PAN3: variants seen among roughly 807,000 people sequenced by gnomAD.
The protein encoded by PAN3 is PAN2-PAN3 deadenylation complex subunit PAN3.
A neutral mutation model predicts 96.2 loss-of-function variants in PAN3; 19 were observed. That is an observed-to-expected ratio of 0.20 (90% confidence interval 0.14 to 0.29). PAN3 has a LOEUF of 0.29. Among genes scored for constraint, PAN3 ranks in the 10% least tolerant of loss-of-function variants. The probability of loss-of-function intolerance (pLI) is 1.00; values close to 1 mark genes in which losing one functional copy is unlikely to be tolerated. For missense variants in PAN3, 882 were observed against 1,108.1 expected (o/e 0.80, Z 2.90); for synonymous variants, 433 against 406.6 (o/e 1.06, Z -0.78).
chr13:28,257,364 ATTATT>A (rs1885227266), intron 7 of PAN3, among the ~76,000 whole-genome samples: 1 of 152,156 alleles, frequency 6.6e-6, no homozygotes, highest in African/African-American at 2.4e-5. Context: ...ATATTCAAAA[ATTATT>A]TTATTTACCC....
intron 6 of PAN3, among the ~76,000 whole-genome samples, chr13:28,221,677 C>A (rs539720542): frequency 1.3e-5 from 2 of 152,134 alleles, no homozygotes; most frequent in Non-Finnish European, 2.9e-5. Context: ...CCTTCCAACT[C>A]CCCTCCCACC....
chr13:28,221,626 C>G (rs867222756), intron 6 of PAN3, among the ~76,000 whole-genome samples: 1 of 152,034 alleles, frequency 6.6e-6, no homozygotes, highest in Non-Finnish European at 1.5e-5. Flanking sequence ...ATTTTGTCAG[C>G]GCCTCATTTC....
intron 5 of PAN3, among the ~76,000 whole-genome samples, chr13:28,205,162 TG>T (rs1318414302): frequency 6.6e-6 from 1 of 152,182 alleles, no homozygotes; most frequent in Non-Finnish European, 1.5e-5. Context: ...CACTGGGTTT[TG>T]GTATTACTTC....
chr13:28,273,121 ATTTTT>A (rs1194178967), intron 14 of PAN3, among the ~76,000 whole-genome samples: 2 of 152,080 alleles, frequency 1.3e-5, no homozygotes, highest in South Asian at 4.1e-4. Context: ...TTTCTAAGTA[ATTTTT>A]TTATTTAGTC....
chr13:28,292,300 TTTTA>T (rs1191672423), intron 18 of PAN3, 78 bp from the exon 19 acceptor site: 50 of 1,358,632 alleles, frequency 3.7e-5, no homozygotes, highest in East Asian at 1.3e-4. Flanking sequence ...AATTTAGATA[TTTTA>T]TTTATTTTTG....
chr13:28,140,270 G>A (rs1482135505), intron 1 of PAN3, among the ~76,000 whole-genome samples: 1 of 152,186 alleles, frequency 6.6e-6, no homozygotes, highest in Non-Finnish European at 1.5e-5. Flanking sequence ...ACAATTGAAT[G>A]TGAGCGTAAT....
chr13:28,226,171 A>G (rs1272717616), intron 6 of PAN3, among the ~76,000 whole-genome samples: 2 of 152,234 alleles, frequency 1.3e-5, no homozygotes, highest in Non-Finnish European at 1.5e-5. Flanking sequence ...TTCAAGGCAC[A>G]AAAACTCCAT....
At chr13:28,176,442 T>G in intron 2 of PAN3, 51 bp from the exon 3 acceptor site, 2 of 1,540,120 alleles carry the variant, frequency 1.3e-6, no homozygotes, top group Non-Finnish European at 1.8e-6. Context: ...GTTGGATACT[T>G]TTATTTCTGT....
intron 16 of PAN3, among the ~76,000 whole-genome samples, chr13:28,281,012 T>C (rs978935972): frequency 5.3e-5 from 8 of 152,250 alleles, no homozygotes; most frequent in Non-Finnish European, 2.9e-5. Context: ...TAATTTCTTA[T>C]GTCCTCTGGA....
chr13:28,277,673 T>C (rs1887172946), intron 15 of PAN3, among the ~76,000 whole-genome samples: 1 of 152,352 alleles, frequency 6.6e-6, no homozygotes, highest in Middle Eastern at 3.4e-3. Context: ...TAAAGCTTAC[T>C]TCTTCAATTA....
At chr13:28,181,340 C>G (rs147850270) in intron 4 of PAN3, among the ~76,000 whole-genome samples, 1 of 151,952 alleles carries the variant, frequency 6.6e-6, no homozygotes, top group East Asian at 1.9e-4. Context: ...GAGACCTGGT[C>G]TCTACTAAAA....
intron 6 of PAN3, chr13:28,239,704 T>C: frequency 7.9e-7 from 1 of 1,268,094 alleles, no homozygotes; most frequent in Non-Finnish European, 1.0e-6. Flanking sequence ...GGGGTCTGTT[T>C]GTTTAACTGA....
At chr13:28,166,602 C>T (rs1282111716) in intron 1 of PAN3, among the ~76,000 whole-genome samples, 1 of 152,204 alleles carries the variant, frequency 6.6e-6, no homozygotes, top group Non-Finnish European at 1.5e-5. Flanking sequence ...AGACATAACC[C>T]TGGTAAAAGC....
chr13:28,262,725 A>G (rs572944703), intron 9 of PAN3, among the ~76,000 whole-genome samples: 1 of 152,348 alleles, frequency 6.6e-6, no homozygotes, highest in African/African-American at 2.4e-5. Flanking sequence ...AACTGTAGAA[A>G]ATGGCTGGAT....
At chr13:28,144,356 A>G (rs867835566) in intron 1 of PAN3, among the ~76,000 whole-genome samples, 45 of 151,580 alleles carry the variant, frequency 3.0e-4, no homozygotes, top group Non-Finnish European at 5.6e-4. Context: ...CTGGGACTAC[A>G]GGCGCCCGCC....
rs746612895 is a variant in PAN3 at position 28,280,418 on chromosome 13, G to T, written c.2196G>T (p.Leu732Phe). Residue 732 changes from leucine (L) to phenylalanine (F), a missense_variant, in exon 16 of 19, where the codon TTG becomes TTT. Physicochemically the swap from Leu to Phe is conservative, Grantham distance 22. Around this residue, in one of 3 missense-constraint regions of PAN3, gnomAD observed 364 missense variants for 513.6 expected, o/e 0.71. Coordinates refer to ENST00000380958, the MANE Select transcript of PAN3 (RefSeq NM_175854.8). Reference sequence around the variant, plus strand: ...CCTCTTTTATCTTGGGTAGGTATTTGTTGACTGACCAAAACAGGATGCGAA... The same window carrying T: ...CCTCTTTTATCTTGGGTAGGTATTTTTTGACTGACCAAAACAGGATGCGAA... ...SSDLKNLILY[L>F]LTDQNRMRSV... 14 of 1,606,440 alleles carry T rather than the reference G, an allele frequency of 8.7e-6. No individual in the cohort carries two copies. In the South Asian group the frequency reaches 1.6e-4, roughly 18 times the overall value.
chr13:28,231,851 A>G (rs1593522964), intron 6 of PAN3, among the ~76,000 whole-genome samples: 2 of 152,196 alleles, frequency 1.3e-5, no homozygotes, highest in Admixed American at 1.3e-4. Flanking sequence ...GGAGTGAGCT[A>G]TGATCACACA....
chr13:28,169,876 A>G (rs1874082141), intron 1 of PAN3, among the ~76,000 whole-genome samples: 2 of 151,734 alleles, frequency 1.3e-5, no homozygotes, highest in Non-Finnish European at 2.9e-5. Context: ...GTGAAACCCC[A>G]TCTTTACTAA....
intron 16 of PAN3, among the ~76,000 whole-genome samples, chr13:28,281,030 G>C (rs935225644): frequency 2.0e-5 from 3 of 152,178 alleles, no homozygotes; most frequent in Non-Finnish European, 2.9e-5. Flanking sequence ...GGACAACACT[G>C]TTCTTTTCAT....
Sources: gnomAD v4.1 joint callset for allele counts (sites outside exome capture counted in the v4.1 genomes callset) on GRCh38, gnomAD v4.1.1 for gene constraint, gnomAD v4.1.1 regional missense constraint, MANE v1.5 for transcripts, NCBI Gene and HGNC (gene_info 2026-07-23, HGNC 2026-07-21) for gene names.